ATXN1: variants seen among roughly 807,000 people sequenced by gnomAD.
ATXN1 encodes ataxin 1, also known as ataxin-1.
In ATXN1, 8 loss-of-function variants were observed where a neutral mutation model predicts 56.4. That is an observed-to-expected ratio of 0.14 (90% CI 0.08 to 0.26). ATXN1 has a LOEUF of 0.26. ATXN1 is among the 10% of genes least tolerant of loss of function. The pLI, the probability that ATXN1 is intolerant of heterozygous loss-of-function variation, is 1.00. For missense variants in ATXN1, 987 were observed against 1,106.5 expected (o/e 0.89, Z 1.53); for synonymous variants, 514 against 494.6 (o/e 1.04, Z -0.52).
Position 16,354,060 on chromosome 6 carries a change from C to T in ATXN1, c.-160-25590G>A, listed in dbSNP as rs62387708. Among the ~76,000 whole-genome samples the T allele has an allele frequency of 6.2e-3, 945 of 152,230 alleles. 3 individuals carry two copies. Among genetic ancestry groups the T allele is most frequent in the Non-Finnish European group, 0.01 (706 of 68,026 alleles). ...CTGGAAAGATTTTGAAAAGTCTTGC[C>T]GGTCACACCACACTCCAGGCCACTG... On this transcript the variant is annotated intron_variant, in intron 6 of 7. Coordinates refer to ENST00000436367, the MANE Select transcript of ATXN1 (RefSeq NM_001128164.2).
intron 4 of ATXN1, among the ~76,000 whole-genome samples, chr6:16,537,636 G>GT (rs1761628331): frequency 6.6e-6 from 1 of 151,536 alleles, no homozygotes; most frequent in Non-Finnish European, 1.5e-5. Context: ...AACCCAGGAG[G>GT]TAGAGGTTGC....
chr6:16,530,616 G>A (rs1009036397), intron 4 of ATXN1, among the ~76,000 whole-genome samples: 2 of 152,170 alleles, frequency 1.3e-5, no homozygotes, highest in East Asian at 1.9e-4. Context: ...GTGGAGGTGG[G>A]AGGACAAAGA....
intron 4 of ATXN1, among the ~76,000 whole-genome samples, chr6:16,525,954 C>T (rs2113700279): frequency 6.6e-6 from 1 of 150,786 alleles, no homozygotes; most frequent in Non-Finnish European, 1.5e-5. Context: ...CTAATAATCA[C>T]TATTAACAGT....
intron 2 of ATXN1, among the ~76,000 whole-genome samples, chr6:16,672,276 T>C (rs1758555096): frequency 6.6e-6 from 1 of 152,228 alleles, no homozygotes; most frequent in Non-Finnish European, 1.5e-5. Context: ...ATGTTTTCTG[T>C]GTCATACTGC....
intron 6 of ATXN1, among the ~76,000 whole-genome samples, chr6:16,337,481 G>A (rs1274886110): frequency 6.6e-6 from 1 of 152,202 alleles, no homozygotes; most frequent in Non-Finnish European, 1.5e-5. Context: ...TGTCTCTGGC[G>A]GCCTGCCCAT....
At chr6:16,437,512 T>G (rs1422605351) in intron 6 of ATXN1, among the ~76,000 whole-genome samples, 3 of 152,186 alleles carry the variant, frequency 2.0e-5, no homozygotes, top group Admixed American at 1.3e-4. Flanking sequence ...GGCAGGGCCA[T>G]GGTAAGCAGA....
At chr6:16,584,726 T>C (rs1298422121) in intron 4 of ATXN1, among the ~76,000 whole-genome samples, 1 of 151,288 alleles carries the variant, frequency 6.6e-6, no homozygotes, top group African/African-American at 2.5e-5. Flanking sequence ...ATTCTCAGCA[T>C]TGGAAAACTG....
chr6:16,336,211 T>C (rs968906177), intron 6 of ATXN1, among the ~76,000 whole-genome samples: 6 of 152,212 alleles, frequency 3.9e-5, no homozygotes, highest in Admixed American at 2.0e-4. Flanking sequence ...GAACTAGCAC[T>C]GGAAATCACT....
intron 1 of ATXN1, among the ~76,000 whole-genome samples, chr6:16,755,540 G>A (rs1760861957): frequency 6.6e-6 from 1 of 152,040 alleles, no homozygotes; most frequent in African/African-American, 2.4e-5. Context: ...ATGTGAGAAA[G>A]GGGAACAAAA....
chr6:16,703,642 T>C (rs1759340039), intron 2 of ATXN1, among the ~76,000 whole-genome samples: 1 of 152,198 alleles, frequency 6.6e-6, no homozygotes, highest in Admixed American at 6.5e-5. Flanking sequence ...TTTCCTTTCT[T>C]TACTCAGTTT....
At position 16,327,020 on chromosome 6, in the gene ATXN1, G is replaced by C. The variant is rs753295300; in HGVS notation, c.1291C>G (p.His431Asp). The C allele has an allele frequency of 4.3e-6, 7 of 1,614,154 alleles. No individual in the cohort carries two copies. In the South Asian group the frequency reaches 5.5e-5, roughly 13 times the overall value. ...CTGTGTGTGGTCTGAATGACCGTGT[G>C]GGGTGAGAGCGCGTAGGACCGGTGG... Reference protein sequence around the residue: ...PGHRSYALSPHTVIQTTHSAS... With the variant: ...PGHRSYALSPDTVIQTTHSAS... The change falls in exon 7 of 8, where the codon CAC (histidine) becomes GAC (aspartate). Residue 431 changes from histidine (H) to aspartate (D), a missense_variant. Physicochemically the swap from His to Asp is moderately conservative, Grantham distance 81. Around this residue, in one of 3 missense-constraint regions of ATXN1, gnomAD observed 723 missense variants for 791.7 expected, o/e 0.91. Transcript: ENST00000436367.
At position 16,327,998 on chromosome 6, in the gene ATXN1, C is replaced by T. The variant is rs150050637; in HGVS notation, c.313G>A (p.Ala105Thr). ...SVPVATTLPA[A>T]YATPQPGTPV... The stretch of plus-strand genomic sequence containing the variant: ...GTCCCTGGCTGCGGGGTGGCGTACG[C>T]GGCAGGCAGCGTGGTGGCCACGGGG... Residue 105 changes from alanine to threonine, a missense_variant, in exon 7 of 8, where the codon GCG becomes ACG. By Grantham distance (58) the Ala-to-Thr change is moderately conservative (BLOSUM62 0). Around this residue, in one of 3 missense-constraint regions of ATXN1, gnomAD observed 723 missense variants for 791.7 expected, o/e 0.91. Transcript: ENST00000436367. 16 of 1,613,492 alleles carry T rather than the reference C, an allele frequency of 9.9e-6. No individual in the cohort carries two copies. In the African/African-American group the frequency reaches 1.1e-4, roughly 11 times the overall value.
chr6:16,593,260 C>T (rs9477182), intron 3 of ATXN1, among the ~76,000 whole-genome samples: 1 of 152,136 alleles, frequency 6.6e-6, no homozygotes, highest in Non-Finnish European at 1.5e-5. Context: ...AAAACCTCCA[C>T]CACTCAAGGA....
chr6:16,753,150 T>C (rs1760776910), intron 2 of ATXN1, 83 bp downstream of exon 2: 5 of 422,342 alleles, frequency 1.2e-5, no homozygotes, highest in South Asian at 8.3e-5. Context: ...GCCAACAAAG[T>C]AAGGGAGCAT....
At chr6:16,352,858 T>C (rs1395087631) in intron 6 of ATXN1, among the ~76,000 whole-genome samples, 1 of 152,068 alleles carries the variant, frequency 6.6e-6, no homozygotes, top group East Asian at 1.9e-4. Flanking sequence ...AATAATAAAA[T>C]AGAACGATTG....
At chr6:16,462,691 C>G (rs534499844) in intron 6 of ATXN1, among the ~76,000 whole-genome samples, 1 of 152,146 alleles carries the variant, frequency 6.6e-6, no homozygotes, top group Non-Finnish European at 1.5e-5. Context: ...GCCCTGTAAC[C>G]GTGAATACCA....
At chr6:16,647,304 TTTTA>T (rs1464938080) in intron 3 of ATXN1, among the ~76,000 whole-genome samples, 1 of 152,106 alleles carries the variant, frequency 6.6e-6, no homozygotes, top group African/African-American at 2.4e-5. Context: ...GCCTGGCCTG[TTTTA>T]TTTTTCTTAT....
At chr6:16,341,557 C>G (rs1463228818) in intron 6 of ATXN1, among the ~76,000 whole-genome samples, 7 of 143,170 alleles carry the variant, frequency 4.9e-5, no homozygotes, top group Non-Finnish European at 1.1e-4. Context: ...CTCGCTCTGT[C>G]CCCCAGGCTG....
chr6:16,364,701 A>G (rs925836943), intron 6 of ATXN1, among the ~76,000 whole-genome samples: 2 of 152,208 alleles, frequency 1.3e-5, no homozygotes, highest in Non-Finnish European at 2.9e-5. Context: ...ATTGAGCCCA[A>G]TAGAAAGCCA....
Sources: allele counts gnomAD v4.1 joint callset (sites outside exome capture counted in the v4.1 genomes callset), GRCh38; gene constraint gnomAD v4.1.1; regional missense constraint gnomAD v4.1.1; transcripts MANE v1.5; gene names NCBI Gene and HGNC (gene_info 2026-07-23, HGNC 2026-07-21).